DELE1: variants seen among roughly 807,000 people sequenced by gnomAD.
DELE1 encodes death ligand signal enhancer.
A neutral mutation model predicts 59.3 loss-of-function variants in DELE1; 54 were observed. The ratio of observed to expected loss-of-function variants is 0.91; its 90% CI spans 0.73 to 1.14. The LOEUF is 1.14. Ranked by LOEUF, DELE1 falls within the 50% of genes most tolerant of loss-of-function variation. DELE1 has a pLI of 0.00. For synonymous variants in DELE1, 264 were observed against 259.1 expected (o/e 1.02, Z -0.18); for missense variants, 636 against 643.9 (o/e 0.99, Z 0.13).
Position 141,924,515 on chromosome 5 carries a change from C to T in DELE1, c.32-66C>T, listed in dbSNP as rs1362068144. 5 of 922,698 alleles carry T rather than the reference C, an allele frequency of 5.4e-6. No homozygotes were observed. In the African/African-American group the frequency reaches 6.5e-5, roughly 12 times the overall value. The allele number at this position is 922,698 out of a possible 1,614,324, so 57.2% of individuals were successfully genotyped here. A position where few individuals can be genotyped will look rare whatever the true frequency, so the allele number is the denominator to read the frequency against. On this transcript the variant is annotated intron_variant, in intron 1 of 11. Transcript: ENST00000432126. ...GTGTATCCATGTTTAAGAACCTCTG[C>T]TGAGGCAGATGACAGTGATTCCTGG...
chr5:141,941,980 C>G lies in DELE1; in HGVS notation c.*3221C>G. ...ATACACACGCACACACGCACACACACACACACGGTTTCCTGTGCTACTTCT... is the reference window on the plus strand; with the variant it reads ...ATACACACGCACACACGCACACACAGACACACGGTTTCCTGTGCTACTTCT... On this transcript the variant is annotated 3_prime_UTR_variant, in exon 12 of 12. Coordinates refer to ENST00000432126, the MANE Select transcript of DELE1 (RefSeq NM_014773.5). 1 of 985,396 alleles carries G rather than the reference C, an allele frequency of 1.0e-6. No individual in the cohort carries two copies. Among genetic ancestry groups the G allele is most frequent in the South Asian group, 4.7e-5 (1 of 21,286 alleles). 61.0% of individuals were successfully genotyped at this position (985,396 alleles called of 1,614,324 possible). A position where few individuals can be genotyped will look rare whatever the true frequency, so the allele number is the denominator to read the frequency against.
intron 3 of DELE1, among the ~76,000 whole-genome samples, chr5:141,926,627 A>G (rs1751445464): frequency 6.6e-6 from 1 of 152,198 alleles, no homozygotes; most frequent in South Asian, 2.1e-4. Flanking sequence ...TGGACAAATG[A>G]CTTGACCTGT....
chr5:141,934,394 G>C lies in DELE1; in HGVS notation c.1052G>C (p.Arg351Thr). ...AAGCAGGCTGCAGACTCAGGCTTGA[G>C]AGAGGTGAGTGCCATTGGCAGGGTC... is the stretch of plus-strand genomic sequence containing the variant. ...LLKQAADSGL[R>T]EAQAFLGVLF... Residue 351 changes from arginine (R) to threonine (T), a missense_variant, in exon 9 of 12, where the codon AGA becomes ACA. Arg to Thr is a moderately conservative substitution (Grantham distance 71). Transcript: ENST00000432126. The C allele has an allele frequency of 1.9e-6, 3 of 1,614,250 alleles. No homozygotes were observed. The highest frequency in any genetic ancestry group is 2.5e-6 in the Non-Finnish European group (3 of 1,180,042).
At position 141,941,211 on chromosome 5, in the gene DELE1, C is replaced by T. The variant is rs1752718601; in HGVS notation, c.*2452C>T. 1 of 985,358 alleles carries T rather than the reference C, an allele frequency of 1.0e-6. No individual in the cohort carries two copies. The highest frequency in any genetic ancestry group is 1.7e-5 in the African/African-American group (1 of 57,242). The allele number at this position is 985,358 out of a possible 1,614,324, so 61.0% of individuals were successfully genotyped here. A position where few individuals can be genotyped will look rare whatever the true frequency, so the allele number is the denominator to read the frequency against. On this transcript the variant is annotated 3_prime_UTR_variant, in exon 12 of 12. Coordinates refer to ENST00000432126, the MANE Select transcript of DELE1 (RefSeq NM_014773.5). ...GGCCGAGGGCTGGTTCACAGTCTGGCCACTGGGCGTCCTGTGGTGAAGGCC... is the reference window on the plus strand; with the variant it reads ...GGCCGAGGGCTGGTTCACAGTCTGGTCACTGGGCGTCCTGTGGTGAAGGCC...
rs572625200 is a variant in DELE1 at position 141,939,374 on chromosome 5, CAG to C, written c.*616_*617del. The C allele has an allele frequency of 1.0e-3, 1,005 of 975,946 alleles. 3 individuals are homozygous for C. The highest frequency in any genetic ancestry group is 1.0e-3 in the Non-Finnish European group (848 of 821,066). The allele number at this position is 975,946 out of a possible 1,614,324, so 60.5% of individuals were successfully genotyped here. On this transcript the variant is annotated 3_prime_UTR_variant, in exon 12 of 12. Coordinates refer to ENST00000432126, the MANE Select transcript of DELE1 (RefSeq NM_014773.5). ...AGATCCAGAGAGGTAGCAAAAATCA[CAG>C]GGGTGGTTCCATGAATGGCTGACAC... is the stretch of plus-strand genomic sequence containing the variant.
Position 141,929,620 on chromosome 5 carries a change from G to A in DELE1, c.451G>A (p.Ala151Thr), listed in dbSNP as rs1194051448. Reference sequence around the variant, plus strand: ...CATCCTCCCCAGCCCCGATGGCCCAGCTCCCAGGCACACTGGCCTCAGGGA... The same window carrying A: ...CATCCTCCCCAGCCCCGATGGCCCAACTCCCAGGCACACTGGCCTCAGGGA... ...QHILPSPDGP[A>T]PRHTGLREPR... The change falls in exon 5 of 12, where the codon GCT becomes ACT. Residue 151 changes from alanine to threonine, a missense_variant. Ala to Thr is a moderately conservative substitution (Grantham distance 58). Transcript: ENST00000432126. 3 of 1,614,018 alleles carry A rather than the reference G, an allele frequency of 1.9e-6. No homozygotes were observed. Among genetic ancestry groups the A allele is most frequent in the Non-Finnish European group, 2.5e-6 (3 of 1,180,042 alleles).
In DELE1 at chr5:141,934,346, G is replaced by A. The variant is rs755654695; in HGVS notation, c.1004G>A (p.Arg335Gln). 13 of 1,614,082 alleles carry A rather than the reference G, an allele frequency of 8.1e-6. No homozygotes were observed. Among genetic ancestry groups the A allele is most frequent in the African/African-American group, 4.0e-5 (3 of 74,924 alleles). Residue 335 changes from arginine to glutamine, a missense_variant, in exon 9 of 12, where the codon CGG becomes CAG. Transcript: ENST00000432126. Reference sequence around the variant, plus strand: ...CCAGCCTCTTCGTGGAACCCTGAGCGGCAGAGGGCAGTGTCCTTGCTGAAG... The same window carrying A: ...CCAGCCTCTTCGTGGAACCCTGAGCAGCAGAGGGCAGTGTCCTTGCTGAAG... ...RDPASSWNPE[R>Q]QRAVSLLKQA...
At chr5:141,936,904 TC>T in intron 10 of DELE1, 1 of 985,366 alleles carries the variant, frequency 1.0e-6, no homozygotes, top group Non-Finnish European at 1.2e-6. Flanking sequence ...CCTGAGTGTT[TC>T]CTGTAGCCTT....
chr5:141,926,458 C>T (rs772022006), intron 3 of DELE1, among the ~76,000 whole-genome samples: 1 of 152,298 alleles, frequency 6.6e-6, no homozygotes, highest in African/African-American at 2.4e-5. Flanking sequence ...AGGTCAGATT[C>T]TTACTAGTGA....
At position 141,939,962 on chromosome 5, in the gene DELE1, G is replaced by C. The variant is rs775036666; in HGVS notation, c.*1203G>C. 1 of 975,100 alleles carries C rather than the reference G, an allele frequency of 1.0e-6. No homozygotes were observed. Among genetic ancestry groups the C allele is most frequent in the Non-Finnish European group, 1.2e-6 (1 of 820,632 alleles). The allele number at this position is 975,100 out of a possible 1,614,324, so 60.4% of individuals were successfully genotyped here. A position where few individuals can be genotyped will look rare whatever the true frequency, so the allele number is the denominator to read the frequency against. Reference sequence around the variant, plus strand: ...CCTGGGCCTCCTGACTCCTGGCCCAGAGTTCTTGTCCATCAGTTCATACTG... The same window carrying C: ...CCTGGGCCTCCTGACTCCTGGCCCACAGTTCTTGTCCATCAGTTCATACTG... On this transcript the variant is annotated 3_prime_UTR_variant, in exon 12 of 12. Coordinates refer to ENST00000432126, the MANE Select transcript of DELE1 (RefSeq NM_014773.5).
chr5:141,926,170 G>A lies in DELE1; in HGVS notation c.264+643G>A, dbSNP rs943810157. 3.3e-5 allele frequency among the ~76,000 whole-genome samples: 5 copies of A among 152,226 alleles called. No homozygotes were observed. The East Asian group carries it at 5.8e-4, about 18-fold the overall frequency. On this transcript the variant is annotated intron_variant, in intron 3 of 11. Coordinates refer to ENST00000432126, the MANE Select transcript of DELE1 (RefSeq NM_014773.5). ...TGGGATTACAGCTGTGAGCCACCGC[G>A]CCCGGCCTTATAGCATTATTTATTA...
chr5:141,935,827 C>T (rs1178025905), intron 10 of DELE1, among the ~76,000 whole-genome samples: 2 of 152,244 alleles, frequency 1.3e-5, no homozygotes, highest in Non-Finnish European at 2.9e-5. Context: ...TATTGGGACT[C>T]AGACCCAACA....
chr5:141,930,410 G>A (rs1751810604), intron 7 of DELE1, 136 bp downstream of exon 7: 6 of 642,564 alleles, frequency 9.3e-6, no homozygotes, highest in Non-Finnish European at 1.6e-5. Flanking sequence ...ACCAAATCTG[G>A]CATGGCAGGG....
chr5:141,931,223 T>G (rs1342622181), intron 7 of DELE1: 1 of 152,058 alleles, frequency 6.6e-6, no homozygotes, highest in African/African-American at 2.4e-5. Context: ...GCGGGAACAG[T>G]AAGCGCGAAA....
At position 141,933,282 on chromosome 5, in the gene DELE1, G is replaced by T; in HGVS notation, c.778G>T (p.Asp260Tyr). ...FLGTENMKSG[D>Y]HTAAFSYFQK... ...AGGAACAGAGAACATGAAGAGTGGC[G>T]ACCACACGGCAGCCTTTTCTTACTT... The change falls in exon 8 of 12, where the codon GAC becomes TAC. Residue 260 changes from aspartate to tyrosine, a missense_variant. Transcript: ENST00000432126. 6.4e-7 allele frequency: 1 copy of T among 1,556,244 alleles called. No individual in the cohort carries two copies. The highest frequency in any genetic ancestry group is 1.2e-5 in the South Asian group (1 of 85,354).
intron 7 of DELE1, among the ~76,000 whole-genome samples, chr5:141,932,165 AGCTTTGATGGTGGAG>A (rs1347919841): frequency 6.6e-6 from 1 of 152,156 alleles, no homozygotes; most frequent in Non-Finnish European, 1.5e-5. Context: ...ACAGGATGGG[AGCTTTGATGGTGGAG>A]GCGGAAAGAA....
chr5:141,924,749 T>A (rs6580206), intron 2 of DELE1, 54 bp downstream of exon 2: 535,505 of 1,043,962 alleles, frequency 0.51, 129,931 homozygotes, highest in African/African-American at 0.79. Context: ...CCTTTTTTTT[T>A]ATTTTTTTTT....
intron 11 of DELE1, among the ~76,000 whole-genome samples, chr5:141,937,622 A>G (rs1752467976): frequency 6.6e-6 from 1 of 150,656 alleles, no homozygotes; most frequent in South Asian, 2.1e-4. Context: ...TATAAAAAAA[A>G]ATTAGTTGGG....
chr5:141,940,274 C>T lies in DELE1; in HGVS notation c.*1515C>T, dbSNP rs1752658085. The T allele has an allele frequency of 1.0e-6, 1 of 985,394 alleles. No homozygotes were observed. 61.0% of individuals were successfully genotyped at this position (985,394 alleles called of 1,614,324 possible). A position where few individuals can be genotyped will look rare whatever the true frequency, so the allele number is the denominator to read the frequency against. ...CCAATTTAAAGGATCTTAAAAGCTT[C>T]TCCAGGAGAGAGACTTAGGAAAAAA... On this transcript the variant is annotated 3_prime_UTR_variant, in exon 12 of 12. Transcript: ENST00000432126.
Sources: gnomAD v4.1 joint callset for allele counts (sites outside exome capture counted in the v4.1 genomes callset) on GRCh38, gnomAD v4.1.1 for gene constraint, MANE v1.5 for transcripts, NCBI Gene and HGNC (gene_info 2026-07-23, HGNC 2026-07-21) for gene names.